Variants in CSMD1 observed in about 807,000 individuals in gnomAD.
CSMD1 encodes the protein CUB and Sushi multiple domains 1.
Under a neutral mutation model 417.5 loss-of-function variants are expected in CSMD1, and 213 were observed. That is an observed-to-expected ratio of 0.51 (90% CI 0.46 to 0.57). The LOEUF (loss-of-function observed/expected upper bound fraction) is 0.57. CSMD1 is among the 20% of genes least tolerant of loss of function. The pLI, the probability that CSMD1 is intolerant of heterozygous loss-of-function variation, is 0.00. For synonymous variants in CSMD1, 2,862 were observed against 1,736.8 expected, an observed-to-expected ratio of 1.65 and a Z score of -16.11; for missense variants, 6,923 against 4,529.7, an observed-to-expected ratio of 1.53 and a Z score of -15.17.
intron 1 of CSMD1, among the ~76,000 whole-genome samples, chr8:4,725,062 G>C (rs746189077): frequency 6.6e-6 from 1 of 152,136 alleles, no homozygotes; most frequent in Non-Finnish European, 1.5e-5. Flanking sequence ...AAGGGGAAAT[G>C]TGTGACTTTT....
intron 5 of CSMD1, among the ~76,000 whole-genome samples, chr8:3,877,339 G>C (rs746429223): frequency 1.3e-5 from 2 of 152,152 alleles, no homozygotes; most frequent in Non-Finnish European, 2.9e-5. Context: ...TGTCCATGAT[G>C]GGGGAGGCAT....
intron 3 of CSMD1, among the ~76,000 whole-genome samples, chr8:4,223,824 T>C (rs981958640): frequency 3.9e-5 from 6 of 152,172 alleles, no homozygotes; most frequent in Non-Finnish European, 8.8e-5. Context: ...TGAAACTGTT[T>C]TCTTTTTTTG....
Position 4,008,628 on chromosome 8 carries a change from T to G in CSMD1, c.611-10518A>C, listed in dbSNP as rs13252496. On this transcript the variant is annotated intron_variant, in intron 4 of 69. Transcript: ENST00000635120. ...TTTTTTTTTTTTTTTTTTTTTTTTT[T>G]GAGACAGGGTCTCGCTCTGTCGCCC... Among the ~76,000 whole-genome samples the G allele has an allele frequency of 4.6e-5, 5 of 108,398 alleles. No individual in the cohort carries two copies. In the East Asian group the frequency reaches 8.9e-4, roughly 19 times the overall value. 71.1% of individuals were successfully genotyped at this position (108,398 alleles called of 152,430 possible). A position where few individuals can be genotyped will look rare whatever the true frequency, so the allele number is the denominator to read the frequency against.
chr8:3,193,488 G>C (rs1254172886), intron 33 of CSMD1, among the ~76,000 whole-genome samples: 1 of 152,102 alleles, frequency 6.6e-6, no homozygotes, highest in Non-Finnish European at 1.5e-5. Flanking sequence ...AAATCAGACA[G>C]TGCTGTGTAA....
chr8:3,252,599 C>G (rs988156567), intron 26 of CSMD1, among the ~76,000 whole-genome samples: 1 of 152,132 alleles, frequency 6.6e-6, no homozygotes, highest in Non-Finnish European at 1.5e-5. Context: ...GGAGGATTCC[C>G]TCTTTTTCTA....
chr8:4,649,861 G>C (rs1803773418), intron 1 of CSMD1, among the ~76,000 whole-genome samples: 2 of 152,182 alleles, frequency 1.3e-5, no homozygotes, highest in East Asian at 1.9e-4. Context: ...ACAAATAAAA[G>C]AGGTTTGGAA....
At chr8:4,819,786 A>G (rs781585657) in intron 1 of CSMD1, among the ~76,000 whole-genome samples, 11 of 152,096 alleles carry the variant, frequency 7.2e-5, no homozygotes, top group Non-Finnish European at 1.3e-4. Context: ...ACAGGAGTCA[A>G]TGCTAAGGGT....
chr8:4,947,664 T>G (rs186620106), intron 1 of CSMD1, among the ~76,000 whole-genome samples: 1 of 152,278 alleles, frequency 6.6e-6, no homozygotes, highest in African/African-American at 2.4e-5. Flanking sequence ...CATTTTGGGT[T>G]GATCATTCTT....
chr8:3,017,956 A>G (rs1247666513), intron 52 of CSMD1, among the ~76,000 whole-genome samples: 1 of 152,024 alleles, frequency 6.6e-6, no homozygotes, highest in African/African-American at 2.4e-5. Context: ...CTTATTCAAG[A>G]TTTTTCATAC....
chr8:4,047,709 A>G (rs1373964076), intron 3 of CSMD1, among the ~76,000 whole-genome samples: 4 of 152,198 alleles, frequency 2.6e-5, no homozygotes, highest in African/African-American at 4.8e-5. Context: ...GTAATAGCTC[A>G]GTGGATTTTA....
intron 4 of CSMD1, among the ~76,000 whole-genome samples, chr8:4,006,314 T>A (rs909834728): frequency 6.6e-6 from 1 of 152,188 alleles, no homozygotes; most frequent in South Asian, 2.1e-4. Flanking sequence ...GAGGCTGAGA[T>A]GGATGGATCA....
intron 37 of CSMD1, among the ~76,000 whole-genome samples, chr8:3,165,744 G>A (rs896035054): frequency 1.3e-5 from 2 of 152,150 alleles, no homozygotes; most frequent in Non-Finnish European, 2.9e-5. Flanking sequence ...GTCAGATGCA[G>A]GGGCAGAAGA....
intron 10 of CSMD1, among the ~76,000 whole-genome samples, chr8:3,505,148 C>A (rs1419215465): frequency 6.6e-6 from 1 of 152,036 alleles, no homozygotes; most frequent in Non-Finnish European, 1.5e-5. Context: ...GAAATCTGCC[C>A]TCAGATGTAT....
intron 3 of CSMD1, among the ~76,000 whole-genome samples, chr8:4,223,273 T>C (rs1460023037): frequency 6.6e-6 from 1 of 152,186 alleles, no homozygotes; most frequent in Non-Finnish European, 1.5e-5. Context: ...ATTCTGAGCA[T>C]CCAGACTTTT....
At chr8:3,071,995 G>A (rs910879854) in intron 49 of CSMD1, among the ~76,000 whole-genome samples, 3 of 152,134 alleles carry the variant, frequency 2.0e-5, no homozygotes, top group African/African-American at 7.2e-5. Flanking sequence ...TAATCCACTG[G>A]TCTATTAACA....
At chr8:4,358,916 A>T (rs35756025) in intron 3 of CSMD1, among the ~76,000 whole-genome samples, 37,056 of 152,040 alleles carry the variant, frequency 0.24, 4,781 homozygotes, top group African/African-American at 0.3. Context: ...AACCTTTATT[A>T]AAAAAACTGA....
intron 3 of CSMD1, among the ~76,000 whole-genome samples, chr8:4,329,243 C>G (rs896965409): frequency 6.6e-6 from 1 of 152,056 alleles, no homozygotes; most frequent in Non-Finnish European, 1.5e-5. Context: ...TTGACATATG[C>G]ACAGAATACA....
chr8:3,391,832 A>G (rs531765664), intron 17 of CSMD1, among the ~76,000 whole-genome samples: 9 of 152,302 alleles, frequency 5.9e-5, no homozygotes, highest in Non-Finnish European at 1.3e-4. Flanking sequence ...GGCATGAAGA[A>G]GCGTCATTAA....
At chr8:3,087,413 G>A (rs1405972176) in intron 48 of CSMD1, 128 bp from the exon 49 acceptor site, 3 of 955,840 alleles carry the variant, frequency 3.1e-6, no homozygotes, top group African/African-American at 3.3e-5. Context: ...GCACCAGTAT[G>A]TAAGTTTGTT....
Sources: gnomAD v4.1 joint callset for allele counts (sites outside exome capture counted in the v4.1 genomes callset) on GRCh38, gnomAD v4.1.1 for gene constraint, MANE v1.5 for transcripts, NCBI Gene and HGNC (gene_info 2026-07-23, HGNC 2026-07-21) for gene names.